Variants in ARID1B observed in about 807,000 individuals in gnomAD.
ARID1B encodes the protein AT-rich interactive domain-containing protein 1B.
ARID1B carries 30 observed loss-of-function variants against 212.3 expected under a neutral mutation model. The observed-to-expected ratio is 0.14, with a 90% CI of 0.11 to 0.19. ARID1B has a LOEUF of 0.19. ARID1B is among the 10% of genes least tolerant of loss of function. The pLI is 1.00. For synonymous variants in ARID1B, 1,402 were observed against 1,301.7 expected, an observed-to-expected ratio of 1.08 and a Z score of -1.66; for missense variants, 2,891 against 3,204.0, an observed-to-expected ratio of 0.90 and a Z score of 2.36.
chr6:156,794,493 C>T (rs1222492290), intron 1 of ARID1B, among the ~76,000 whole-genome samples: 1 of 151,130 alleles, frequency 6.6e-6, no homozygotes, highest in Middle Eastern at 3.2e-3. Context: ...GCGGCTCAAG[C>T]AATCCTCCTG....
chr6:156,921,233 C>T (rs956164428), intron 3 of ARID1B, among the ~76,000 whole-genome samples: 1 of 151,988 alleles, frequency 6.6e-6, no homozygotes, highest in Non-Finnish European at 1.5e-5. Context: ...ATAGCTTGCC[C>T]TCCTTGGAAA....
chr6:156,785,552 A>T (rs1451850586), intron 1 of ARID1B, among the ~76,000 whole-genome samples: 1 of 152,136 alleles, frequency 6.6e-6, no homozygotes. Context: ...GGTAAGCTAT[A>T]CGTACATAAC....
In ARID1B at chr6:156,829,404, C is replaced by G. The variant is rs2128047164; in HGVS notation, c.1969C>G (p.Gln657Glu). Residue 657 changes from glutamine (Q) to glutamate (E), a missense_variant, in exon 2 of 20, where the codon CAG becomes GAG. Gln to Glu is a conservative substitution (Grantham distance 29). This residue lies in a region of ARID1B where 1,643 missense variants were observed against 1,544.0 expected (regional missense o/e 1.06). Coordinates refer to ENST00000636930, the MANE Select transcript of ARID1B (RefSeq NM_001374828.1). Reference protein sequence around the residue: ...GRTPGAMAGMQYPQQQMPPQY... With the variant: ...GRTPGAMAGMEYPQQQMPPQY... ...GACTCCCGGGGCCATGGCCGGAATG[C>G]AGTACCCTCAGCAGCAGGTTTGTGC... is the stretch of plus-strand genomic sequence containing the variant. 1 of 1,614,130 alleles carries G rather than the reference C, an allele frequency of 6.2e-7. No individual in the cohort carries two copies. Among genetic ancestry groups the G allele is most frequent in the Non-Finnish European group, 8.5e-7 (1 of 1,180,006 alleles).
intron 1 of ARID1B, among the ~76,000 whole-genome samples, chr6:156,808,538 C>T (rs758313682): frequency 3.3e-5 from 5 of 152,190 alleles, no homozygotes; most frequent in African/African-American, 7.2e-5. Flanking sequence ...CTCTTACAGT[C>T]CTCATACCAC....
chr6:156,840,316 C>G (rs941924311), intron 2 of ARID1B, among the ~76,000 whole-genome samples: 4 of 152,220 alleles, frequency 2.6e-5, no homozygotes, highest in Non-Finnish European at 4.4e-5. Context: ...TTGCACACTC[C>G]CACTGCCTCC....
chr6:157,020,105 A>G (rs1234550361), intron 4 of ARID1B, among the ~76,000 whole-genome samples: 1 of 152,162 alleles, frequency 6.6e-6, no homozygotes, highest in African/African-American at 2.4e-5. Context: ...GATAGGAGAA[A>G]GTCATTTCAG....
intron 4 of ARID1B, among the ~76,000 whole-genome samples, chr6:157,039,878 T>TCCTTCCTTCCTTCC (rs1296164311): frequency 0.044 from 4,059 of 91,368 alleles, 246 homozygotes; most frequent in Non-Finnish European, 0.057. Flanking sequence ...TTCTCTTTCT[T>TCCTTCCTTCCTTCC]TTCTCTTCCT....
chr6:157,027,372 G>A (rs115071655), intron 4 of ARID1B, among the ~76,000 whole-genome samples: 2,886 of 152,212 alleles, frequency 0.019, 79 homozygotes, highest in African/African-American at 0.064. Context: ...ACTTTGAAAG[G>A]TTTTAAATAT....
At chr6:157,014,232 G>A (rs558130184) in intron 4 of ARID1B, among the ~76,000 whole-genome samples, 27 of 152,266 alleles carry the variant, frequency 1.8e-4, no homozygotes, top group Admixed American at 1.6e-3. Context: ...TGTCAGCATC[G>A]TGTGTCCATT....
intron 3 of ARID1B, among the ~76,000 whole-genome samples, chr6:156,930,031 G>T (rs1791571544): frequency 2.0e-5 from 3 of 152,116 alleles, no homozygotes. Context: ...CAGAATGATG[G>T]ACTGTAAGTG....
At chr6:157,081,992 C>T (rs1309165240) in intron 4 of ARID1B, among the ~76,000 whole-genome samples, 4 of 151,914 alleles carry the variant, frequency 2.6e-5, no homozygotes, top group Non-Finnish European at 4.4e-5. Flanking sequence ...CTCTGACTGC[C>T]GCTTGTTTAT....
Position 157,166,925 on chromosome 6 carries a change from T to G in ARID1B, c.3090-115T>G. The G allele has an allele frequency of 2.2e-6, 3 of 1,388,354 alleles. No homozygotes were observed. In the African/African-American group the frequency reaches 4.4e-5, roughly 20 times the overall value. 86.0% of individuals were successfully genotyped at this position (1,388,354 alleles called of 1,614,324 possible). Reference sequence around the variant, plus strand: ...GGAAATAATCTGTTTTACACAAACATGAAAAGTTATAGCCCCACCCCTTAC... The same window carrying G: ...GGAAATAATCTGTTTTACACAAACAGGAAAAGTTATAGCCCCACCCCTTAC... On this transcript the variant is annotated intron_variant, in intron 8 of 19. Coordinates refer to ENST00000636930, the MANE Select transcript of ARID1B (RefSeq NM_001374828.1).
At chr6:156,939,986 T>C (rs1436554580) in intron 4 of ARID1B, 1 of 152,226 alleles carries the variant, frequency 6.6e-6, no homozygotes, top group Non-Finnish European at 1.5e-5. Flanking sequence ...AAACACTATA[T>C]AAGCACTTTC....
rs554722804 is a variant in ARID1B at position 156,862,785 on chromosome 6, G to A, written c.1986+33364G>A. Reference sequence around the variant, plus strand: ...GTTAATGAAGGCCTACCCTGTGCCCGCTTGGGGGCTGGGCCCTGGCAGCGG... The same window carrying A: ...GTTAATGAAGGCCTACCCTGTGCCCACTTGGGGGCTGGGCCCTGGCAGCGG... On this transcript the variant is annotated intron_variant, in intron 2 of 19. Transcript: ENST00000636930. Among the ~76,000 whole-genome samples the A allele has an allele frequency of 7.0e-4, 107 of 152,322 alleles. 1 individual carries two copies. Among genetic ancestry groups the A allele is most frequent in the Non-Finnish European group, 1.2e-3 (84 of 68,028 alleles).
chr6:156,808,868 G>GTTAAGGAT (rs1361283092), intron 1 of ARID1B, among the ~76,000 whole-genome samples: 2 of 152,164 alleles, frequency 1.3e-5, no homozygotes, highest in Admixed American at 1.3e-4. Flanking sequence ...TAAAAACAGT[G>GTTAAGGAT]TTAAGGATTT....
intron 3 of ARID1B, among the ~76,000 whole-genome samples, chr6:156,923,724 A>C: frequency 6.6e-6 from 1 of 150,708 alleles, no homozygotes; most frequent in Admixed American, 6.6e-5. Flanking sequence ...TTTTTTTTAA[A>C]GACAGAGTCT....
chr6:156,949,878 T>C (rs1793449472), intron 4 of ARID1B, among the ~76,000 whole-genome samples: 1 of 152,210 alleles, frequency 6.6e-6, no homozygotes, highest in Non-Finnish European at 1.5e-5. Context: ...AAAACTAAAC[T>C]ATGGGGACGA....
At chr6:157,177,665 C>T (rs1792192411) in intron 11 of ARID1B, among the ~76,000 whole-genome samples, 1 of 152,192 alleles carries the variant, frequency 6.6e-6, no homozygotes, top group Non-Finnish European at 1.5e-5. Flanking sequence ...GGAAAATGTA[C>T]TTATAGGCTT....
At chr6:157,107,566 C>G (rs1003764015) in intron 5 of ARID1B, among the ~76,000 whole-genome samples, 3 of 152,198 alleles carry the variant, frequency 2.0e-5, no homozygotes, top group Non-Finnish European at 4.4e-5. Flanking sequence ...AAATTGTGCA[C>G]GTGGCTGTGT....
Sources: allele counts gnomAD v4.1 joint callset (sites outside exome capture counted in the v4.1 genomes callset), GRCh38; gene constraint gnomAD v4.1.1; regional missense constraint gnomAD v4.1.1; transcripts MANE v1.5; gene names NCBI Gene and HGNC (gene_info 2026-07-23, HGNC 2026-07-21).